Variants in EIF4E3 observed in about 807,000 individuals in gnomAD.
EIF4E3 encodes the protein eukaryotic translation initiation factor 4E family member 3.
Under a neutral mutation model 31.7 loss-of-function variants are expected in EIF4E3, and 26 were observed. The observed-to-expected ratio is 0.82, with a 90% CI of 0.60 to 1.14. The LOEUF (loss-of-function observed/expected upper bound fraction) is 1.14. Ranked by LOEUF, EIF4E3 falls within the 50% of genes most tolerant of loss-of-function variation. EIF4E3 has a pLI of 0.00. For synonymous variants in EIF4E3, 128 were observed against 107.7 expected, an observed-to-expected ratio of 1.19 and a Z score of -1.17; for missense variants, 304 against 270.9, an observed-to-expected ratio of 1.12 and a Z score of -0.86.
At chr3:71,754,718 C>T, upstream of EIF4E3, 1 of 1,481,996 alleles carries the variant, frequency 6.7e-7, no homozygotes, top group East Asian at 3.0e-5. The surrounding 1 kb of genome is among the most constrained non-coding windows in gnomAD (Gnocchi z 5.8). Flanking sequence ...TGCCCGCCGT[C>T]AGCCACGACT....
downstream of EIF4E3, among the ~76,000 whole-genome samples, chr3:71,673,855 A>G (rs1393484299): frequency 6.7e-6 from 1 of 150,066 alleles, no homozygotes; most frequent in African/African-American, 2.4e-5. Flanking sequence ...CAGCAATACT[A>G]AGGCCTATTA....
At chr3:71,734,127 A>C (rs1292200509) in intron 1 of EIF4E3, among the ~76,000 whole-genome samples, 1 of 152,150 alleles carries the variant, frequency 6.6e-6, no homozygotes, top group Non-Finnish European at 1.5e-5. Context: ...GTTGCACCTT[A>C]TGGTATTTGC....
chr3:71,742,322 A>C (rs1234238715), intron 1 of EIF4E3, among the ~76,000 whole-genome samples: 1 of 152,160 alleles, frequency 6.6e-6, no homozygotes, highest in Non-Finnish European at 1.5e-5. Flanking sequence ...ACTTTATATT[A>C]TAGCTATGTA....
chr3:71,718,546 TAAGAGTTTACG>T (rs979405387), intron 1 of EIF4E3, among the ~76,000 whole-genome samples: 1 of 152,196 alleles, frequency 6.6e-6, no homozygotes, highest in African/African-American at 2.4e-5. Context: ...ACAGCAGTGT[TAAGAGTTTACG>T]ACAAAATTAA....
upstream of EIF4E3, chr3:71,753,662 G>GGCGGTGGCA (rs2049961474): frequency 6.7e-6 from 1 of 148,822 alleles, no homozygotes; most frequent in South Asian, 1.8e-4. Context: ...CGGCGGCGGC[G>GGCGGTGGCA]GCGGCGGCAG....
chr3:71,699,775 CAAATT>C, intron 2 of EIF4E3, 67 bp from the exon 3 acceptor site: 1 of 1,336,282 alleles, frequency 7.5e-7, no homozygotes, highest in Non-Finnish European at 1.0e-6. Flanking sequence ...GCTAGATTAT[CAAATT>C]AATGCATTAA....
At chr3:71,709,073 C>G (rs1578358034) in intron 2 of EIF4E3, among the ~76,000 whole-genome samples, 1 of 152,062 alleles carries the variant, frequency 6.6e-6, no homozygotes, top group Non-Finnish European at 1.5e-5. Flanking sequence ...GAACCAGATA[C>G]TGGGACCATA....
chr3:71,693,838 A>G, intron 5 of EIF4E3, 37 bp downstream of exon 5: 2 of 1,491,252 alleles, frequency 1.3e-6, no homozygotes, highest in Non-Finnish European at 1.8e-6. Flanking sequence ...CCAGGAGCAC[A>G]CGAGGCAGGG....
chr3:71,674,090 CTTTTTTT>C (rs71277509), downstream of EIF4E3, among the ~76,000 whole-genome samples: 1,593 of 25,148 alleles, frequency 0.063, 51 homozygotes, highest in African/African-American at 0.19. Flanking sequence ...ATCAACTGTA[CTTTTTTT>C]TTTTTTTTTT....
rs1236205925 is a variant in EIF4E3 at position 71,680,009 on chromosome 3, C to A, written c.*4673G>T. 6.6e-6 allele frequency: 1 copy of A among 152,206 alleles called. No homozygotes were observed. The highest frequency in any genetic ancestry group is 1.5e-5 in the Non-Finnish European group (1 of 68,038). 9.4% of individuals were successfully genotyped at this position (152,206 alleles called of 1,614,324 possible). On this transcript the variant is annotated 3_prime_UTR_variant, in exon 7 of 7. Coordinates refer to ENST00000425534, the MANE Select transcript of EIF4E3 (RefSeq NM_001134651.2). ...TGGTATTTAGAAAAGAGAAAAACCA[C>A]CACTCTGTATTAAAGGCTTTATATT... is the stretch of plus-strand genomic sequence containing the variant.
At chr3:71,702,408 C>T (rs2049230515) in intron 2 of EIF4E3, among the ~76,000 whole-genome samples, 1 of 152,194 alleles carries the variant, frequency 6.6e-6, no homozygotes, top group Non-Finnish European at 1.5e-5. Context: ...CCGTCATACC[C>T]CGGTCAAAGT....
At chr3:71,706,194 A>G (rs2049290561) in intron 2 of EIF4E3, among the ~76,000 whole-genome samples, 1 of 152,140 alleles carries the variant, frequency 6.6e-6, no homozygotes, top group Admixed American at 6.5e-5. Context: ...TCCACTCCTC[A>G]ATCACGGGGA....
chr3:71,669,816 A>C, the EIF4E3 span, among the ~76,000 whole-genome samples: 1 of 152,236 alleles, frequency 6.6e-6, no homozygotes, highest in East Asian at 1.9e-4. Context: ...AAAGGAGAAG[A>C]TCAAAGCAAT....
Position 71,690,140 on chromosome 3 carries a change from G to A in EIF4E3, c.498C>T (p.Val166=), listed in dbSNP as rs1419183810. The stretch of plus-strand genomic sequence containing the variant: ...CGACGTCTTCTCGGTCCCGAACACT[G>A]ACACTAACTCCTATTACTTCATCAT... ...AADDEVIGVS[V]SVRDREDVVQ... Residue 166 remains valine, a synonymous_variant, in exon 6 of 7, where the codon GTC becomes GTT. Transcript: ENST00000425534. The A allele has an allele frequency of 1.2e-6, 2 of 1,611,740 alleles. No individual in the cohort carries two copies. Among genetic ancestry groups the A allele is most frequent in the Non-Finnish European group, 1.7e-6 (2 of 1,179,330 alleles).
At chr3:71,724,963 G>C (rs938719622) in intron 1 of EIF4E3, among the ~76,000 whole-genome samples, 10 of 152,256 alleles carry the variant, frequency 6.6e-5, no homozygotes, top group African/African-American at 2.2e-4. Flanking sequence ...GGGCTGCGCT[G>C]TCCTCCCCCG....
At chr3:71,729,595 G>A (rs1374691480), upstream of EIF4E3, among the ~76,000 whole-genome samples, 6 of 152,148 alleles carry the variant, frequency 3.9e-5, no homozygotes, top group Non-Finnish European at 7.3e-5. Context: ...TCGAGTTATC[G>A]TTAGGATTAA....
At chr3:71,750,932 T>G (rs2108166694) in intron 1 of EIF4E3, among the ~76,000 whole-genome samples, 1 of 151,880 alleles carries the variant, frequency 6.6e-6, no homozygotes, top group Admixed American at 6.5e-5. Context: ...CCCAGCTAAT[T>G]TTTTGCATTT....
At chr3:71,689,981 AAAGT>A in intron 6 of EIF4E3, 25 bp downstream of exon 6, 1 of 1,568,028 alleles carries the variant, frequency 6.4e-7, no homozygotes, top group Non-Finnish European at 8.7e-7. Context: ...AGTAAGCTAG[AAAGT>A]AATAACTGGA....
intron 1 of EIF4E3, among the ~76,000 whole-genome samples, chr3:71,746,300 A>G (rs991765476): frequency 2.6e-5 from 4 of 152,220 alleles, no homozygotes; most frequent in Non-Finnish European, 5.9e-5. Context: ...TATATGCAAA[A>G]CAGCTTAGTG....
Sources: allele counts gnomAD v4.1 joint callset (sites outside exome capture counted in the v4.1 genomes callset), GRCh38; gene constraint gnomAD v4.1.1; non-coding constraint Gnocchi (gnomAD v3.1); transcripts MANE v1.5; gene names NCBI Gene and HGNC (gene_info 2026-07-23, HGNC 2026-07-21).